The following USP25 variants were observed in gnomAD, a reference collection of about 807,000 sequenced individuals.
USP25 encodes the protein ubiquitin specific peptidase 25.
Under a neutral mutation model 158.5 loss-of-function variants are expected in USP25, and 85 were observed. That is an observed-to-expected ratio of 0.54 (90% confidence interval 0.45 to 0.64). The LOEUF is 0.64. Ranked by LOEUF, USP25 falls within the 30% of genes least tolerant of loss-of-function variation. The pLI is 0.00. For missense variants in USP25, 1,242 were observed against 1,327.3 expected (o/e 0.94, Z 1.00); for synonymous variants, 464 against 460.4 (o/e 1.01, Z -0.10).
At chr21:15,831,317 A>G in intron 15 of USP25, 84 bp from the exon 16 acceptor site, 1 of 1,329,062 alleles carries the variant, frequency 7.5e-7, no homozygotes, top group African/African-American at 1.5e-5. Context: ...GTTTTCTCCA[A>G]ACAGGTTGTT....
At chr21:15,809,329 G>T (rs2036541691) in intron 8 of USP25, among the ~76,000 whole-genome samples, 1 of 152,128 alleles carries the variant, frequency 6.6e-6, no homozygotes, top group South Asian at 2.1e-4. Context: ...ATTATACTGT[G>T]TCTCTAAGTT....
rs775969995 is a variant in USP25 at position 15,877,897 on chromosome 21, A to G, written c.3111A>G (p.Pro1037=). 21 of 1,613,600 alleles carry G rather than the reference A, an allele frequency of 1.3e-5. No homozygotes were observed. The highest frequency in any genetic ancestry group is 1.8e-5 in the Non-Finnish European group (21 of 1,179,742). ...IMNEFIVPFL[P]LLLVDEMEEK... is the part of the protein sequence containing the mutation. The stretch of plus-strand genomic sequence containing the variant: ...ATGAGTTTATTGTCCCATTTTTGCC[A>G]TTATTACTGGTGGATGAAATGGAAG... The change falls in exon 25 of 26, where the codon CCA becomes CCG. Residue 1037 remains proline, a synonymous_variant. Coordinates refer to ENST00000400183, the MANE Select transcript of USP25 (RefSeq NM_001283041.3).
At chr21:15,786,852 C>G (rs1317552702) in intron 4 of USP25, among the ~76,000 whole-genome samples, 1 of 151,936 alleles carries the variant, frequency 6.6e-6, no homozygotes, top group Non-Finnish European at 1.5e-5. Flanking sequence ...ATGATATGAT[C>G]TTAAATATAG....
Position 15,826,145 on chromosome 21 carries a change from A to G in USP25, c.1305-59A>G, listed in dbSNP as rs2037490461. The G allele has an allele frequency of 1.3e-6, 2 of 1,510,672 alleles. No individual in the cohort carries two copies. Among genetic ancestry groups the G allele is most frequent in the Non-Finnish European group, 1.8e-6 (2 of 1,117,976 alleles). 93.6% of individuals were successfully genotyped at this position (1,510,672 alleles called of 1,614,324 possible). On this transcript the variant is annotated intron_variant, in intron 12 of 25. Transcript: ENST00000400183. The surrounding 1 kb of genome is among the most constrained non-coding windows in gnomAD (Gnocchi z 4.8). Reference sequence around the variant, plus strand: ...TCGTATCACGTTTTATAATAATAATAAAGGCCCAAATATGCTGTATATAGA... The same window carrying G: ...TCGTATCACGTTTTATAATAATAATGAAGGCCCAAATATGCTGTATATAGA...
intron 20 of USP25, among the ~76,000 whole-genome samples, chr21:15,853,335 A>G (rs2038980528): frequency 6.6e-6 from 1 of 151,900 alleles, no homozygotes; most frequent in Non-Finnish European, 1.5e-5. Flanking sequence ...GCACACGTGT[A>G]CACATACATG....
chr21:15,825,145 G>A lies in USP25; in HGVS notation c.1304+84G>A, dbSNP rs756133702. 2.8e-5 allele frequency: 29 copies of A among 1,040,036 alleles called. No homozygotes were observed. In the Admixed American group the frequency reaches 5.9e-4, roughly 21 times the overall value. 64.4% of individuals were successfully genotyped at this position (1,040,036 alleles called of 1,614,324 possible). On this transcript the variant is annotated intron_variant, in intron 12 of 25. Transcript: ENST00000400183. Reference sequence around the variant, plus strand: ...AGATTTTTAATTTCAAATTTGCTTTGAGTGATTTATAATTTTAGGAGTAGT... The same window carrying A: ...AGATTTTTAATTTCAAATTTGCTTTAAGTGATTTATAATTTTAGGAGTAGT...
intron 1 of USP25, among the ~76,000 whole-genome samples, chr21:15,752,679 T>C (rs899219927): frequency 2.6e-5 from 4 of 152,208 alleles, no homozygotes; most frequent in Admixed American, 6.5e-5. Flanking sequence ...ATAAAGTATC[T>C]CATTTCTTTT....
intron 8 of USP25, among the ~76,000 whole-genome samples, 196 bp from the exon 9 acceptor site, chr21:15,810,941 A>T (rs1213400587): frequency 6.6e-6 from 1 of 152,216 alleles, no homozygotes; most frequent in African/African-American, 2.4e-5. Context: ...TATCATAGTT[A>T]TCCGCAGTTG....
intron 20 of USP25, among the ~76,000 whole-genome samples, chr21:15,851,840 A>G (rs1485587176): frequency 6.6e-6 from 1 of 152,010 alleles, no homozygotes; most frequent in East Asian, 1.9e-4. Flanking sequence ...CTCCTGATCC[A>G]TAACTAGTAA....
rs545115233 is a variant in USP25 at position 15,878,373 on chromosome 21, C to T, written c.3276C>T (p.Phe1092=). ...ATTGTTCTATGGAGATTAAAAGTTT[C>T]CATGAGCCACCGAAGTTACCTTCAT... The part of the protein sequence containing the change: ...LLDCSMEIKS[F]HEPPKLPSYS... Residue 1092 remains phenylalanine (F), a synonymous_variant, in exon 26 of 26, where the codon TTC becomes TTT. Transcript: ENST00000400183. 7 of 1,614,064 alleles carry T rather than the reference C, an allele frequency of 4.3e-6. No homozygotes were observed. The South Asian group carries it at 7.7e-5, about 18-fold the overall frequency.
intron 17 of USP25, among the ~76,000 whole-genome samples, chr21:15,840,497 G>A (rs982529093): frequency 1.3e-5 from 2 of 152,040 alleles, no homozygotes; most frequent in Admixed American, 6.6e-5. Flanking sequence ...ATCTCCCAGG[G>A]TGTCAAATAT....
At chr21:15,853,342 CATGT>C (rs1461822295) in intron 20 of USP25, among the ~76,000 whole-genome samples, 1 of 152,086 alleles carries the variant, frequency 6.6e-6, no homozygotes, top group African/African-American at 2.4e-5. Context: ...TGTACACATA[CATGT>C]ACACACACAT....
intron 1 of USP25, among the ~76,000 whole-genome samples, chr21:15,735,260 T>C (rs931756869): frequency 1.1e-4 from 17 of 152,164 alleles, no homozygotes; most frequent in African/African-American, 4.1e-4. Context: ...TCTGAATCCA[T>C]AGATTCAACC....
At position 15,732,161 on chromosome 21, in the gene USP25, C is replaced by T. The variant is rs370790320; in HGVS notation, c.45+1723C>T. The stretch of plus-strand genomic sequence containing the variant: ...AGTCCAATTTCCTACTTTAATGAAT[C>T]CCCTCCACACACAAAGGGAGTAGTA... On this transcript the variant is annotated intron_variant, in intron 1 of 25. Coordinates refer to ENST00000400183, the MANE Select transcript of USP25 (RefSeq NM_001283041.3). 1.1e-4 allele frequency among the ~76,000 whole-genome samples: 16 copies of T among 152,200 alleles called. No homozygotes were observed. The South Asian group carries it at 3.1e-3, about 30-fold the overall frequency.
Position 15,846,139 on chromosome 21 carries a change from TATATATATATATA to T in USP25, c.2338-1523_2338-1511del, listed in dbSNP as rs1568882402. 1.2e-4 allele frequency among the ~76,000 whole-genome samples: 7 copies of T among 57,448 alleles called. 1 individual carries two copies. Among genetic ancestry groups the T allele is most frequent in the African/African-American group, 6.1e-4 (7 of 11,450 alleles). The allele number at this position is 57,448 out of a possible 152,430, so 37.7% of individuals were successfully genotyped here. ...GTGTGTGTGTATATATATATATATA[TATATATATATATA>T]TATATATTTTTTTTTTTTTTTTTTT... On this transcript the variant is annotated intron_variant, in intron 18 of 25. Transcript: ENST00000400183.
intron 18 of USP25, 116 bp downstream of exon 18, chr21:15,842,656 C>T: frequency 7.6e-7 from 1 of 1,316,362 alleles, no homozygotes; most frequent in Non-Finnish European, 1.0e-6. Context: ...GATGGCTCTG[C>T]CATGGGCATG....
intron 9 of USP25, among the ~76,000 whole-genome samples, chr21:15,812,567 C>T (rs550911563): frequency 7.9e-5 from 12 of 151,792 alleles, no homozygotes; most frequent in South Asian, 4.2e-4. Context: ...AGGAGAATGA[C>T]GTGAACCCAG....
intron 18 of USP25, among the ~76,000 whole-genome samples, chr21:15,846,702 GTTAC>G (rs1017627601): frequency 3.3e-5 from 5 of 152,042 alleles, no homozygotes; most frequent in African/African-American, 4.8e-5. Context: ...ATGCAATTCA[GTTAC>G]TTAAGTTGTT....
rs746508789 is a variant in USP25, at chr21:15,831,595, G to A, written c.1959G>A (p.Met653Ile). ...GAAATGCCAGTGCATACTGTTTAAT[G>A]TACATAAATGATAAGGCACAGTTCC... ...GYRNASAYCL[M>I]YINDKAQFLI... is the part of the protein sequence containing the mutation. Residue 653 changes from methionine to isoleucine, a missense_variant, in exon 16 of 26, where the codon ATG becomes ATA. Transcript: ENST00000400183. 4 of 1,613,752 alleles carry A rather than the reference G, an allele frequency of 2.5e-6. No individual in the cohort carries two copies. The highest frequency in any genetic ancestry group is 3.4e-6 in the Non-Finnish European group (4 of 1,179,874).
Sources: gnomAD v4.1 joint callset for allele counts (sites outside exome capture counted in the v4.1 genomes callset) on GRCh38, gnomAD v4.1.1 for gene constraint, Gnocchi (gnomAD v3.1) non-coding constraint, MANE v1.5 for transcripts, NCBI Gene and HGNC (gene_info 2026-07-23, HGNC 2026-07-21) for gene names.